Variants in FGF14 observed in about 807,000 individuals in gnomAD.
The protein encoded by FGF14 is fibroblast growth factor homologous factor 4.
FGF14 carries 5 observed loss-of-function variants against 25.5 expected under a neutral mutation model. The observed-to-expected ratio is 0.20, with a 90% CI of 0.10 to 0.41. The LOEUF (loss-of-function observed/expected upper bound fraction) is 0.41. FGF14 is among the 10% of genes least tolerant of loss of function. The pLI, the probability that FGF14 is intolerant of heterozygous loss-of-function variation, is 1.00. For missense variants in FGF14, 222 were observed against 320.1 expected, an observed-to-expected ratio of 0.69 and a Z score of 2.34; for synonymous variants, 138 against 118.3, an observed-to-expected ratio of 1.17 and a Z score of -1.08.
At chr13:101,904,102 C>G (rs2031926242) in intron 1 of FGF14, among the ~76,000 whole-genome samples, 2 of 152,192 alleles carry the variant, frequency 1.3e-5, no homozygotes, top group African/African-American at 4.8e-5. Context: ...TGAGAGGCAT[C>G]TATCAAATTG....
At chr13:101,767,865 A>T (rs1385274347) in intron 3 of FGF14, among the ~76,000 whole-genome samples, 2 of 152,204 alleles carry the variant, frequency 1.3e-5, no homozygotes, top group Non-Finnish European at 2.9e-5. Context: ...TTACTTTTTT[A>T]AAAATTTTAA....
chr13:101,886,157 C>G (rs752999675), intron 1 of FGF14, among the ~76,000 whole-genome samples: 1 of 152,086 alleles, frequency 6.6e-6, no homozygotes, highest in Non-Finnish European at 1.5e-5. Context: ...GAAAACAGCT[C>G]AGCATCAAAA....
At chr13:101,724,631 T>TATATATATATATATAA (rs1284515756) in intron 4 of FGF14, among the ~76,000 whole-genome samples, 1 of 109,142 alleles carries the variant, frequency 9.2e-6, no homozygotes, top group Non-Finnish European at 1.9e-5. Flanking sequence ...TATATATATA[T>TATATATATATATATAA]AAAACAAAGA....
chr13:102,373,998 A>T (rs2057961990), intron 1 of FGF14, among the ~76,000 whole-genome samples: 2 of 152,108 alleles, frequency 1.3e-5, no homozygotes, highest in South Asian at 4.1e-4. Flanking sequence ...GTTGAGAACA[A>T]CTGCTACAGA....
At chr13:101,945,494 T>C (rs899239562) in intron 1 of FGF14, among the ~76,000 whole-genome samples, 1 of 152,130 alleles carries the variant, frequency 6.6e-6, no homozygotes, top group Non-Finnish European at 1.5e-5. Context: ...GCTGCTGGAG[T>C]TGGGGGAGAC....
intron 1 of FGF14, among the ~76,000 whole-genome samples, chr13:102,161,955 G>A (rs183181674): frequency 2.0e-5 from 3 of 152,006 alleles, no homozygotes; most frequent in South Asian, 2.1e-4. Context: ...AAGCAGTAGG[G>A]TTTCAAGAAA....
rs189645125 is a variant in FGF14, at chr13:102,095,761, T to C, written c.209-220465A>G. On this transcript the variant is annotated intron_variant, in intron 1 of 4. Coordinates refer to the FGF14 transcript ENST00000376131. ...TAATTTTCTTAATAGCATTTTCTTT[T>C]CTCTATCTTACCTTACAGTAAGACT... Among the ~76,000 whole-genome samples, 527 of 152,224 alleles carry C rather than the reference T, an allele frequency of 3.5e-3. 2 individuals carry two copies. The highest frequency in any genetic ancestry group is 5.5e-3 in the Non-Finnish European group (377 of 68,004).
At chr13:102,266,625 C>A (rs2141140545) in intron 1 of FGF14, among the ~76,000 whole-genome samples, 1 of 152,058 alleles carries the variant, frequency 6.6e-6, no homozygotes, top group Admixed American at 6.6e-5. Context: ...AGAAAACATG[C>A]AACATGGACC....
intron 1 of FGF14, among the ~76,000 whole-genome samples, chr13:101,891,523 G>C (rs1448885100): frequency 6.6e-6 from 1 of 152,070 alleles, no homozygotes; most frequent in African/African-American, 2.4e-5. Context: ...ACAGTAATAA[G>C]AATGACAGCC....
chr13:101,955,191 A>C (rs1381311741), intron 1 of FGF14, among the ~76,000 whole-genome samples: 1 of 152,230 alleles, frequency 6.6e-6, no homozygotes, highest in Non-Finnish European at 1.5e-5. Context: ...CTTTCATTTT[A>C]GTTGTCTGAA....
intron 1 of FGF14, among the ~76,000 whole-genome samples, chr13:102,272,696 T>C (rs548269118): frequency 6.6e-6 from 1 of 152,078 alleles, no homozygotes; most frequent in African/African-American, 2.4e-5. Context: ...ATTTTACAGA[T>C]AGGAAAACTG....
intron 1 of FGF14, among the ~76,000 whole-genome samples, chr13:102,228,298 A>G (rs1479862471): frequency 6.6e-6 from 1 of 152,144 alleles, no homozygotes; most frequent in East Asian, 1.9e-4. Flanking sequence ...ATACATTCCT[A>G]TGTGGTAGGG....
intron 1 of FGF14, among the ~76,000 whole-genome samples, chr13:102,332,147 T>C (rs776816325): frequency 6.6e-6 from 1 of 152,114 alleles, no homozygotes; most frequent in Non-Finnish European, 1.5e-5. Context: ...AAGTGACTGA[T>C]TGTAATTTGT....
rs1264799853 is a variant in FGF14 at position 102,161,565 on chromosome 13, TGAAGAAAGAAA to T, written c.208+239895_208+239905del. 1.3e-3 allele frequency among the ~76,000 whole-genome samples: 129 copies of T among 97,986 alleles called. 11 individuals are homozygous for T. Among genetic ancestry groups the T allele is most frequent in the Non-Finnish European group, 2.6e-3 (107 of 41,946 alleles). 64.3% of individuals were successfully genotyped at this position (97,986 alleles called of 152,430 possible). On this transcript the variant is annotated intron_variant, in intron 1 of 4. Coordinates refer to the FGF14 transcript ENST00000376131. ...TATTCTCTATGCAACCAACTTTCTG[TGAAGAAAGAAA>T]GAAGAAGAAGAAGAAGAAGAAGAAG... is the stretch of plus-strand genomic sequence containing the variant.
At chr13:101,871,932 A>C (rs1254879329) in intron 2 of FGF14, among the ~76,000 whole-genome samples, 3 of 152,028 alleles carry the variant, frequency 2.0e-5, no homozygotes, top group Admixed American at 6.6e-5. Context: ...AGAGATCTAC[A>C]TATATTAGAC....
intron 1 of FGF14, among the ~76,000 whole-genome samples, chr13:102,250,235 C>A (rs905947845): frequency 1.2e-4 from 18 of 152,102 alleles, no homozygotes; most frequent in African/African-American, 4.1e-4. Context: ...AACGCAGTTA[C>A]CAAAGGGAGG....
At chr13:102,168,185 T>C (rs1381031082) in intron 1 of FGF14, among the ~76,000 whole-genome samples, 1 of 152,104 alleles carries the variant, frequency 6.6e-6, no homozygotes, top group Non-Finnish European at 1.5e-5. Flanking sequence ...ATGGCATTAA[T>C]AGAAACCACG....
intron 3 of FGF14, chr13:101,801,990 T>C (rs1467168179): frequency 4.3e-6 from 2 of 466,738 alleles, no homozygotes; most frequent in Non-Finnish European, 8.5e-6. Flanking sequence ...CCTGTCAATT[T>C]AGCAGAATTT....
chr13:102,346,888 C>A (rs1481430761), intron 1 of FGF14, among the ~76,000 whole-genome samples: 2 of 152,140 alleles, frequency 1.3e-5, no homozygotes, highest in African/African-American at 2.4e-5. Context: ...GTGCTACAAT[C>A]ATTAAAGCAG....
Sources: allele counts gnomAD v4.1 joint callset (sites outside exome capture counted in the v4.1 genomes callset), GRCh38; gene constraint gnomAD v4.1.1; transcripts MANE v1.5; gene names NCBI Gene and HGNC (gene_info 2026-07-23, HGNC 2026-07-21).